Variants in NDST4 observed in about 807,000 individuals in gnomAD.
NDST4 encodes N-deacetylase and N-sulfotransferase 4, also known as N-heparan sulfate sulfotransferase 4.
NDST4 carries 63 observed loss-of-function variants against 100.8 expected under a neutral mutation model. The ratio of observed to expected loss-of-function variants is 0.62; its 90% CI spans 0.51 to 0.77. The LOEUF is 0.77. Among genes scored for constraint, NDST4 ranks in the 30% least tolerant of loss-of-function variants. The pLI is 0.00. For missense variants in NDST4, 943 were observed against 1,018.4 expected (o/e 0.93, Z 1.01); for synonymous variants, 377 against 361.8 (o/e 1.04, Z -0.48).
intron 4 of NDST4, among the ~76,000 whole-genome samples, chr4:114,950,980 C>G (rs1725977530): frequency 6.6e-6 from 1 of 151,842 alleles, no homozygotes; most frequent in Non-Finnish European, 1.5e-5. Context: ...GTAAGTTGCT[C>G]AGCAGATAAT....
chr4:114,888,032 G>A (rs1030239562), intron 6 of NDST4, among the ~76,000 whole-genome samples: 5 of 151,858 alleles, frequency 3.3e-5, no homozygotes, highest in African/African-American at 9.7e-5. Flanking sequence ...GCGAAACCCT[G>A]ACTCTACTAA....
intron 2 of NDST4, among the ~76,000 whole-genome samples, chr4:115,006,449 G>A (rs1015204006): frequency 1.2e-4 from 18 of 152,076 alleles, no homozygotes; most frequent in Non-Finnish European, 2.1e-4. Flanking sequence ...GAAAAAAGGG[G>A]TAGTAATAAA....
At chr4:115,053,224 T>C (rs1352722447) in intron 2 of NDST4, among the ~76,000 whole-genome samples, 1 of 152,166 alleles carries the variant, frequency 6.6e-6, no homozygotes, top group Non-Finnish European at 1.5e-5. Flanking sequence ...TTGTGTTGTC[T>C]TATTTACGAA....
intron 1 of NDST4, among the ~76,000 whole-genome samples, chr4:115,089,327 A>G (rs1013058112): frequency 6.6e-6 from 1 of 151,764 alleles, no homozygotes; most frequent in Non-Finnish European, 1.5e-5. Context: ...TATTTTCTAT[A>G]TTATTTCATT....
intron 2 of NDST4, among the ~76,000 whole-genome samples, chr4:114,982,174 A>T (rs1490746920): frequency 6.6e-6 from 1 of 152,224 alleles, no homozygotes; most frequent in Non-Finnish European, 1.5e-5. Flanking sequence ...TGACACCTGA[A>T]AATGTGGAAG....
At chr4:114,937,810 G>A (rs917376751) in intron 4 of NDST4, among the ~76,000 whole-genome samples, 22 of 151,694 alleles carry the variant, frequency 1.5e-4, no homozygotes, top group South Asian at 1.3e-3. Flanking sequence ...TGTGGGGGGC[G>A]GGGAAAGGTG....
intron 7 of NDST4, among the ~76,000 whole-genome samples, chr4:114,859,159 C>G (rs1578347959): frequency 1.3e-5 from 2 of 152,274 alleles, no homozygotes; most frequent in East Asian, 3.9e-4. Flanking sequence ...TTTATCTAAA[C>G]ACAGCTTTTC....
intron 3 of NDST4, among the ~76,000 whole-genome samples, chr4:114,974,883 T>A (rs1726595223): frequency 6.6e-6 from 1 of 152,074 alleles, no homozygotes; most frequent in Non-Finnish European, 1.5e-5. Flanking sequence ...GCCTATGTGA[T>A]TAAATGTCTT....
intron 4 of NDST4, among the ~76,000 whole-genome samples, chr4:114,945,449 A>G (rs1201730247): frequency 1.3e-5 from 2 of 152,154 alleles, no homozygotes; most frequent in Admixed American, 6.5e-5. Context: ...TATTTGAGAT[A>G]ATATATCCCC....
At chr4:114,940,208 A>G (rs1725719056) in intron 4 of NDST4, among the ~76,000 whole-genome samples, 2 of 152,190 alleles carry the variant, frequency 1.3e-5, no homozygotes, top group South Asian at 4.1e-4. Context: ...CTATACTACA[A>G]TAAGACATGA....
intron 2 of NDST4, among the ~76,000 whole-genome samples, chr4:115,042,687 C>A (rs186669975): frequency 6.6e-6 from 1 of 152,006 alleles, no homozygotes; most frequent in East Asian, 1.9e-4. Flanking sequence ...TTAAGGAATC[C>A]ACTAAGGAAG....
intron 7 of NDST4, among the ~76,000 whole-genome samples, chr4:114,866,468 T>C (rs1032608085): frequency 2.0e-5 from 3 of 152,222 alleles, no homozygotes; most frequent in Non-Finnish European, 4.4e-5. Flanking sequence ...CCTGCTTCTA[T>C]AGGTTACTTA....
At chr4:114,987,886 G>T (rs886093112) in intron 2 of NDST4, among the ~76,000 whole-genome samples, 2 of 152,138 alleles carry the variant, frequency 1.3e-5, no homozygotes, top group African/African-American at 4.8e-5. Flanking sequence ...GTCTTTTGGG[G>T]TCATGATCTC....
chr4:114,829,505 TTTAAG>T (rs2126178750), intron 13 of NDST4, among the ~76,000 whole-genome samples: 1 of 152,328 alleles, frequency 6.6e-6, no homozygotes, highest in Non-Finnish European at 1.5e-5. Context: ...ATTTAAGTGC[TTTAAG>T]CATTTGGAAA....
intron 8 of NDST4, among the ~76,000 whole-genome samples, chr4:114,848,649 T>A (rs1483772121): frequency 1.3e-5 from 2 of 152,122 alleles, no homozygotes; most frequent in East Asian, 3.9e-4. Context: ...GTCAGGTGAG[T>A]GGCTAAAGCA....
At chr4:114,834,166 C>T (rs148251484) in intron 11 of NDST4, among the ~76,000 whole-genome samples, 4 of 152,198 alleles carry the variant, frequency 2.6e-5, no homozygotes, top group African/African-American at 9.6e-5. Flanking sequence ...AAATGTTTGT[C>T]CATGCCTTAC....
At chr4:114,908,989 G>A (rs1725008518) in intron 6 of NDST4, among the ~76,000 whole-genome samples, 3 of 152,080 alleles carry the variant, frequency 2.0e-5, no homozygotes, top group South Asian at 2.1e-4. Context: ...CGAAAAATAT[G>A]TTTCAAGTAA....
intron 6 of NDST4, among the ~76,000 whole-genome samples, chr4:114,930,549 G>A (rs974953584): frequency 1.3e-5 from 2 of 152,142 alleles, no homozygotes; most frequent in African/African-American, 4.8e-5. Context: ...AATAGTGTAT[G>A]TGAATTATCT....
intron 9 of NDST4, 48 bp from the exon 10 acceptor site, chr4:114,846,045 G>A (rs1271592117): frequency 7.2e-7 from 1 of 1,381,190 alleles, no homozygotes; most frequent in Non-Finnish European, 1.0e-6. Flanking sequence ...AATTTTTCTT[G>A]CCATATTCTG....
Sources: allele counts gnomAD v4.1 joint callset (sites outside exome capture counted in the v4.1 genomes callset), GRCh38; gene constraint gnomAD v4.1.1; transcripts MANE v1.5; gene names NCBI Gene and HGNC (gene_info 2026-07-23, HGNC 2026-07-21).